STAU2: variants seen among roughly 807,000 people sequenced by gnomAD.
STAU2 encodes double-stranded RNA-binding protein Staufen homolog 2.
STAU2 carries 20 observed loss-of-function variants against 65.9 expected under a neutral mutation model. That is an observed-to-expected ratio of 0.30 (90% CI 0.21 to 0.44). The LOEUF is 0.44. Ranked by LOEUF, STAU2 falls within the 20% of genes least tolerant of loss-of-function variation. The pLI, the probability that STAU2 is intolerant of heterozygous loss-of-function variation, is 1.00. For synonymous variants in STAU2, 232 were observed against 233.9 expected, an observed-to-expected ratio of 0.99 and a Z score of 0.07; for missense variants, 558 against 683.9, an observed-to-expected ratio of 0.82 and a Z score of 2.05.
At chr8:73,534,388 G>T (rs1221484541) in intron 13 of STAU2, among the ~76,000 whole-genome samples, 2 of 152,132 alleles carry the variant, frequency 1.3e-5, no homozygotes, top group African/African-American at 4.8e-5. Flanking sequence ...CATAAATATT[G>T]ACCTAAATAA....
intron 6 of STAU2, among the ~76,000 whole-genome samples, chr8:73,640,526 T>C (rs771292023): frequency 6.6e-6 from 1 of 152,190 alleles, no homozygotes; most frequent in Non-Finnish European, 1.5e-5. Context: ...AATACTGCTG[T>C]TGTATTGAGA....
intron 13 of STAU2, among the ~76,000 whole-genome samples, chr8:73,542,754 T>C: frequency 6.6e-6 from 1 of 152,138 alleles, no homozygotes; most frequent in South Asian, 2.1e-4. Context: ...CAAACTAAGA[T>C]ATCAATGAGA....
intron 13 of STAU2, among the ~76,000 whole-genome samples, chr8:73,453,107 G>A (rs1334023762): frequency 6.6e-6 from 1 of 152,080 alleles, no homozygotes; most frequent in African/African-American, 2.4e-5. Flanking sequence ...AAAAGAACAG[G>A]AACAATTCTC....
chr8:73,734,544 C>A (rs968996972), intron 3 of STAU2, among the ~76,000 whole-genome samples: 1 of 152,000 alleles, frequency 6.6e-6, no homozygotes, highest in African/African-American at 2.4e-5. Flanking sequence ...GCCTGTAATC[C>A]CAGCACTTTG....
At chr8:73,628,600 C>A (rs995712149) in intron 6 of STAU2, among the ~76,000 whole-genome samples, 1 of 152,080 alleles carries the variant, frequency 6.6e-6, no homozygotes, top group Non-Finnish European at 1.5e-5. Context: ...TTCCCACCAA[C>A]AAAAGGATTC....
intron 12 of STAU2, among the ~76,000 whole-genome samples, chr8:73,582,239 T>C (rs1810037831): frequency 6.6e-6 from 1 of 152,130 alleles, no homozygotes; most frequent in Admixed American, 6.5e-5. Flanking sequence ...ACTTAGTGAC[T>C]TTAATAAAAT....
intron 6 of STAU2, among the ~76,000 whole-genome samples, chr8:73,669,636 A>ATTCTCT (rs1230863931): frequency 6.1e-5 from 5 of 82,192 alleles, no homozygotes; most frequent in Non-Finnish European, 1.2e-4. Flanking sequence ...TGAGCCTGGA[A>ATTCTCT]TTCTCTCTCT....
intron 13 of STAU2, among the ~76,000 whole-genome samples, chr8:73,479,395 C>G (rs560761921): frequency 6.6e-6 from 1 of 151,572 alleles, no homozygotes; most frequent in African/African-American, 2.4e-5. Flanking sequence ...AAGGAACCTT[C>G]CCTTCACGGC....
At chr8:73,642,707 GA>G (rs750594075) in intron 6 of STAU2, among the ~76,000 whole-genome samples, 2 of 152,124 alleles carry the variant, frequency 1.3e-5, no homozygotes, top group African/African-American at 2.4e-5. Flanking sequence ...ACGGCATAGA[GA>G]AAAAAGCAAG....
At chr8:73,467,786 T>G (rs1819740330) in intron 13 of STAU2, among the ~76,000 whole-genome samples, 1 of 152,162 alleles carries the variant, frequency 6.6e-6, no homozygotes, top group African/African-American at 2.4e-5. Context: ...TACAAACCAC[T>G]GCTCAATGAA....
At chr8:73,615,636 G>C in intron 8 of STAU2, 39 bp downstream of exon 8, 1 of 1,502,160 alleles carries the variant, frequency 6.7e-7, no homozygotes. Context: ...AATAACCACA[G>C]CAAGGGAAAA....
chr8:73,457,984 C>T (rs1433498341), intron 13 of STAU2, among the ~76,000 whole-genome samples: 1 of 152,168 alleles, frequency 6.6e-6, no homozygotes, highest in Non-Finnish European at 1.5e-5. Context: ...TAGCTACTTA[C>T]CAATAGCAGA....
chr8:73,543,842 G>C (rs935942047), intron 13 of STAU2, among the ~76,000 whole-genome samples: 25 of 152,102 alleles, frequency 1.6e-4, no homozygotes, highest in African/African-American at 5.6e-4. Context: ...AATATTAACT[G>C]TTTCTATGGC....
At chr8:73,686,524 T>C (rs1027092501) in intron 5 of STAU2, among the ~76,000 whole-genome samples, 1 of 147,184 alleles carries the variant, frequency 6.8e-6, no homozygotes, top group African/African-American at 2.5e-5. Flanking sequence ...CACTCCAGCC[T>C]GGTGACAGAG....
At chr8:73,720,605 C>T (rs1253652888) in intron 3 of STAU2, among the ~76,000 whole-genome samples, 1 of 106,824 alleles carries the variant, frequency 9.4e-6, no homozygotes, top group Admixed American at 1.0e-4. Context: ...CTCCGCTTCC[C>T]GGGTTCACGC....
chr8:73,657,835 G>T (rs1254571225), intron 6 of STAU2, among the ~76,000 whole-genome samples: 1 of 151,888 alleles, frequency 6.6e-6, no homozygotes, highest in Non-Finnish European at 1.5e-5. Flanking sequence ...CCAAAATAGT[G>T]AAACCTTGTC....
intron 5 of STAU2, among the ~76,000 whole-genome samples, chr8:73,687,202 AT>A (rs11293045): frequency 0.19 from 26,077 of 139,074 alleles, 2,767 homozygotes; most frequent in East Asian, 0.36. Flanking sequence ...TATATTATAA[AT>A]TTTTTAATTT....
intron 6 of STAU2, among the ~76,000 whole-genome samples, chr8:73,622,386 A>G (rs1454013827): frequency 6.6e-6 from 1 of 152,044 alleles, no homozygotes; most frequent in African/African-American, 2.4e-5. Flanking sequence ...CGGCCTCTCA[A>G]AGTGCTGAGA....
intron 6 of STAU2, among the ~76,000 whole-genome samples, chr8:73,635,387 T>C (rs1327008461): frequency 6.6e-6 from 1 of 152,210 alleles, no homozygotes; most frequent in Admixed American, 6.5e-5. Flanking sequence ...TTTTTTTCTT[T>C]TAATAGCTTG....
Sources: allele counts gnomAD v4.1 joint callset (sites outside exome capture counted in the v4.1 genomes callset), GRCh38; gene constraint gnomAD v4.1.1; transcripts MANE v1.5; gene names NCBI Gene and HGNC (gene_info 2026-07-23, HGNC 2026-07-21).